The following SSPN variants were observed in gnomAD, a reference collection of about 807,000 sequenced individuals.
SSPN encodes sarcospan.
Under a neutral mutation model 19.1 loss-of-function variants are expected in SSPN, and 15 were observed. The ratio of observed to expected loss-of-function variants is 0.78; its 90% confidence interval spans 0.52 to 1.21. The LOEUF (loss-of-function observed/expected upper bound fraction) is 1.21. SSPN is among the 50% of genes most tolerant of loss of function. SSPN has a pLI of 0.00. For missense variants in SSPN, 291 were observed against 314.0 expected (o/e 0.93, Z 0.55); for synonymous variants, 147 against 140.3 (o/e 1.05, Z -0.34).
At chr12:26,161,417 C>T (rs1168845501) in intron 1 of SSPN, among the ~76,000 whole-genome samples, 2 of 152,120 alleles carry the variant, frequency 1.3e-5, no homozygotes, top group Non-Finnish European at 2.9e-5. Context: ...TTCACTCCAT[C>T]TCTTCAAGTC....
chr12:26,122,339 G>A (rs1944316233), intron 1 of SSPN: 1 of 1,178,434 alleles, frequency 8.5e-7, no homozygotes, highest in Non-Finnish European at 1.0e-6. Flanking sequence ...CCGGGGCGGG[G>A]ATGCCGGGGT....
In SSPN at chr12:26,124,090, A is replaced by G. The variant is rs747801913; in HGVS notation, c.-31+1938A>G. On this transcript the variant is annotated intron_variant, in intron 1 of 2. Coordinates refer to the SSPN transcript ENST00000538142. ...ATCTTACTGTCAATTTCAGATGTTC[A>G]GGCAGTAAATCTTTCAGCTGAGCAA... is the stretch of plus-strand genomic sequence containing the variant. The G allele has an allele frequency of 6.8e-6, 11 of 1,607,778 alleles. No individual in the cohort carries two copies. In the East Asian group the frequency reaches 2.0e-4, roughly 29 times the overall value.
At chr12:26,133,781 G>A (rs1248473783) in intron 1 of SSPN, among the ~76,000 whole-genome samples, 1 of 152,156 alleles carries the variant, frequency 6.6e-6, no homozygotes, top group African/African-American at 2.4e-5. Flanking sequence ...CTTGCACAAG[G>A]GCCTCTCAAA....
At chr12:26,203,871 A>G (rs192145922) in intron 1 of SSPN, among the ~76,000 whole-genome samples, 69 of 152,242 alleles carry the variant, frequency 4.5e-4, no homozygotes, top group African/African-American at 1.6e-3. Flanking sequence ...GTGTGCTCAC[A>G]TGGTCTTTTC....
chr12:26,132,196 G>T (rs988493829), intron 1 of SSPN, among the ~76,000 whole-genome samples: 6 of 152,146 alleles, frequency 3.9e-5, no homozygotes, highest in African/African-American at 1.4e-4. Flanking sequence ...GTAAGGGTGT[G>T]GTTAGCTCAC....
At chr12:26,122,077 C>A (rs777354378) in exon 1 of SSPN, 2 of 1,549,756 alleles carry the variant, frequency 1.3e-6, no homozygotes, top group East Asian at 2.4e-5. Context: ...CAGGGAGCTT[C>A]CTTTCCTGGC....
chr12:26,177,440 G>C (rs2137438133), intron 1 of SSPN, among the ~76,000 whole-genome samples: 1 of 152,272 alleles, frequency 6.6e-6, no homozygotes, highest in East Asian at 1.9e-4. Flanking sequence ...ATGCTGCCCA[G>C]TGTTCAGTAA....
At chr12:26,173,453 T>G (rs920427006) in intron 1 of SSPN, among the ~76,000 whole-genome samples, 1 of 152,184 alleles carries the variant, frequency 6.6e-6, no homozygotes, top group Non-Finnish European at 1.5e-5. Context: ...GCCTTTCTTT[T>G]TGGGGATATC....
intron 1 of SSPN, among the ~76,000 whole-genome samples, chr12:26,137,654 ATATTTTTTT>A (rs1944434770): frequency 5.5e-5 from 3 of 55,002 alleles, no homozygotes; most frequent in African/African-American, 1.8e-4. Context: ...ATATATATAT[ATATTTTTTT>A]TTTTTTTTTT....
chr12:26,179,626 C>A (rs1944705738), intron 1 of SSPN, among the ~76,000 whole-genome samples: 1 of 152,158 alleles, frequency 6.6e-6, no homozygotes, highest in African/African-American at 2.4e-5. Flanking sequence ...ACAACTGCAC[C>A]CCATACAGCC....
chr12:26,232,861 A>G lies in SSPN; in HGVS notation c.*1785A>G, dbSNP rs1337648960. 2 of 285,162 alleles carry G rather than the reference A, an allele frequency of 7.0e-6. No individual in the cohort carries two copies. The highest frequency in any genetic ancestry group is 5.3e-6 in the Non-Finnish European group (1 of 190,274). 17.7% of individuals were successfully genotyped at this position (285,162 alleles called of 1,614,324 possible). A position where few individuals can be genotyped will look rare whatever the true frequency, so the allele number is the denominator to read the frequency against. On this transcript the variant is annotated 3_prime_UTR_variant, in exon 3 of 3. Transcript: ENST00000242729. ...AGGATAAGTCTCTGGAGCAGAATTT[A>G]TCACACACAAAAGTTACACCAACAG... is the stretch of plus-strand genomic sequence containing the variant.
intron 2 of SSPN, 141 bp from the exon 3 acceptor site, chr12:26,230,570 G>A: frequency 1.1e-6 from 1 of 895,798 alleles, no homozygotes; most frequent in Non-Finnish European, 1.7e-6. Flanking sequence ...TGTCTTGGGT[G>A]TTGTGTTTCT....
chr12:26,219,433 AACAAAG>A (rs1484268987), intron 1 of SSPN, among the ~76,000 whole-genome samples: 1 of 152,194 alleles, frequency 6.6e-6, no homozygotes, highest in South Asian at 2.1e-4. Flanking sequence ...TAGGCCAAAT[AACAAAG>A]ACAAAGACAA....
rs1944372540 is a variant in SSPN, at chr12:26,127,335, C to T, written c.-31+5183C>T. On this transcript the variant is annotated intron_variant, in intron 1 of 2. Coordinates refer to the SSPN transcript ENST00000538142. ...AAATAGGAGGAACACGATCAGGAGC[C>T]TTGAGGCTCAAAGGTGGGTTAAATA... 2.0e-5 allele frequency among the ~76,000 whole-genome samples: 3 copies of T among 152,192 alleles called. No homozygotes were observed. The South Asian group carries it at 6.2e-4, about 31-fold the overall frequency.
At chr12:26,230,338 A>G (rs1021285756) in intron 2 of SSPN, among the ~76,000 whole-genome samples, 2 of 152,212 alleles carry the variant, frequency 1.3e-5, no homozygotes, top group African/African-American at 2.4e-5. Context: ...TCTTAATATC[A>G]GAAGTTCTTG....
chr12:26,205,371 G>A (rs1944922335), intron 1 of SSPN, among the ~76,000 whole-genome samples: 2 of 152,140 alleles, frequency 1.3e-5, no homozygotes, highest in South Asian at 2.1e-4. Context: ...AAAGGGGGAG[G>A]GGGCTGCTAA....
At chr12:26,124,249 G>T in intron 1 of SSPN, 2 of 935,300 alleles carry the variant, frequency 2.1e-6, no homozygotes, top group South Asian at 1.4e-5. Context: ...TATTACCCTC[G>T]TCTGCCCCCC....
chr12:26,156,846 G>T (rs988699683), intron 1 of SSPN, among the ~76,000 whole-genome samples: 49 of 152,192 alleles, frequency 3.2e-4, no homozygotes, highest in African/African-American at 1.1e-3. Flanking sequence ...GCATAGGTTT[G>T]TGTATCACCC....
chr12:26,134,817 G>A (rs1029536662), intron 1 of SSPN: 1 of 150,800 alleles, frequency 6.6e-6, no homozygotes, highest in African/African-American at 2.4e-5. Flanking sequence ...GGCTTTACCA[G>A]GCACATGGAG....
Sources: allele counts gnomAD v4.1 joint callset (sites outside exome capture counted in the v4.1 genomes callset), GRCh38; gene constraint gnomAD v4.1.1; transcripts MANE v1.5; gene names NCBI Gene and HGNC (gene_info 2026-07-23, HGNC 2026-07-21).